DOCK11: variants seen among roughly 807,000 people sequenced by gnomAD.
DOCK11 encodes dedicator of cytokinesis 11.
Under a neutral mutation model 169.1 loss-of-function variants are expected in DOCK11, and 70 were observed. The observed-to-expected ratio is 0.41, with a 90% CI of 0.34 to 0.51. The LOEUF (loss-of-function observed/expected upper bound fraction) is 0.51. Among genes scored for constraint, DOCK11 ranks in the 20% least tolerant of loss-of-function variants. The pLI is 0.10. For missense variants in DOCK11, 1,166 were observed against 1,538.8 expected, an observed-to-expected ratio of 0.76 and a Z score of 4.05; for synonymous variants, 529 against 541.3, an observed-to-expected ratio of 0.98 and a Z score of 0.32.
chrX:118,520,071 A>C (rs930177012), intron 1 of DOCK11, among the ~76,000 whole-genome samples: 2 of 112,346 alleles, frequency 1.8e-5, no homozygotes, highest in African/African-American at 6.5e-5. Flanking sequence ...CTCTAAGAGA[A>C]CATGACTCAT....
chrX:118,653,055 T>C (rs2015983596), intron 42 of DOCK11, among the ~76,000 whole-genome samples: 1 of 112,093 alleles, frequency 8.9e-6, no homozygotes, highest in South Asian at 3.7e-4. Context: ...CTCCAGCTAA[T>C]CTTGTGAGCA....
intron 12 of DOCK11, among the ~76,000 whole-genome samples, chrX:118,577,697 A>G (rs769000548): frequency 1.5e-4 from 17 of 111,772 alleles, no homozygotes; most frequent in Non-Finnish European, 2.6e-4. Flanking sequence ...TCTACCTCCA[A>G]GGGTTCTATC....
intron 28 of DOCK11, among the ~76,000 whole-genome samples, chrX:118,610,849 G>A (rs1475763034): frequency 3.6e-5 from 4 of 111,136 alleles, no homozygotes; most frequent in Non-Finnish European, 7.5e-5. Context: ...GACCAACCTG[G>A]CCAACATGGT....
rs1443782223 is a variant in DOCK11 at position 118,675,970 on chromosome X, C to G, written c.5234C>G (p.Ala1745Gly). The part of the protein sequence containing the change: ...LTQVYRTLHG[A>G]YTKILEVMHT... Reference sequence around the variant, plus strand: ...CAAGTTTATAGAACTCTTCATGGAGCTTACACAAAAATTCTGGAAGTTATG... The same window carrying G: ...CAAGTTTATAGAACTCTTCATGGAGGTTACACAAAAATTCTGGAAGTTATG... Residue 1745 changes from alanine to glycine, a missense_variant, in exon 47 of 53, where the codon GCT becomes GGT. Transcript: ENST00000276202. 2 of 1,197,117 alleles carry G rather than the reference C, an allele frequency of 1.7e-6. No homozygotes were observed. The highest frequency in any genetic ancestry group is 4.6e-5 in the Admixed American group (2 of 43,079).
intron 45 of DOCK11, among the ~76,000 whole-genome samples, chrX:118,669,396 A>C (rs902624393): frequency 8.9e-6 from 1 of 112,083 alleles, no homozygotes; most frequent in Non-Finnish European, 1.9e-5. Context: ...TATAAACAAC[A>C]GAAATGTATT....
intron 6 of DOCK11, among the ~76,000 whole-genome samples, chrX:118,555,423 G>GAC (rs1364011477): frequency 1.8e-5 from 2 of 110,688 alleles, no homozygotes; most frequent in Middle Eastern, 4.6e-3. Flanking sequence ...CGGGTATGGT[G>GAC]ACACACACCT....
intron 1 of DOCK11, among the ~76,000 whole-genome samples, chrX:118,511,359 C>T (rs1603022402): frequency 9.0e-6 from 1 of 111,727 alleles, no homozygotes; most frequent in East Asian, 2.8e-4. Context: ...TAAACCATCT[C>T]AGGGTAAATA....
intron 1 of DOCK11, among the ~76,000 whole-genome samples, chrX:118,530,659 T>A (rs2011496595): frequency 8.9e-6 from 1 of 112,388 alleles, no homozygotes; most frequent in South Asian, 3.6e-4. Flanking sequence ...GCTCAAAAGC[T>A]ATTTCCTCTC....
chrX:118,597,588 T>C (rs774774223), intron 21 of DOCK11, 36 bp downstream of exon 21: 2 of 1,202,940 alleles, frequency 1.7e-6, no homozygotes, highest in East Asian at 5.9e-5. Context: ...GTAATCATGA[T>C]TAAATGTGCA....
intron 1 of DOCK11, among the ~76,000 whole-genome samples, chrX:118,532,621 A>C (rs1366030741): frequency 2.7e-5 from 3 of 109,545 alleles, no homozygotes; most frequent in African/African-American, 1.0e-4. Flanking sequence ...TCTACTAAAA[A>C]ATACAAAAAA....
At chrX:118,656,267 T>TAATAAATAAATA (rs749224053) in intron 44 of DOCK11, among the ~76,000 whole-genome samples, 9,465 of 107,983 alleles carry the variant, frequency 0.088, 424 homozygotes, top group Non-Finnish European at 0.13. Flanking sequence ...TCTCAAAAAA[T>TAATAAATAAATA]AATAAATAAA....
At position 118,682,049 on chromosome X, in the gene DOCK11, T is replaced by G. The variant is rs373217742; in HGVS notation, c.5963+255T>G. Among the ~76,000 whole-genome samples, 3 of 111,604 alleles carry G rather than the reference T, an allele frequency of 2.7e-5. No homozygotes were observed. The East Asian group carries it at 8.4e-4, about 31-fold the overall frequency. ...GTTTACTATATTGCTTTGAATATTT[T>G]AAGTGACACAAACACAAGCCTATGT... On this transcript the variant is annotated intron_variant, in intron 51 of 52. Coordinates refer to ENST00000276202, the MANE Select transcript of DOCK11 (RefSeq NM_144658.4).
Position 118,597,495 on chromosome X carries a change from A to G in DOCK11, c.2328A>G (p.Pro776=). The G allele has an allele frequency of 8.3e-7, 1 of 1,211,745 alleles. No homozygotes were observed. The highest frequency in any genetic ancestry group is 1.1e-6 in the Non-Finnish European group (1 of 895,339). Residue 776 remains proline (P), a synonymous_variant, in exon 21 of 53, where the codon CCA becomes CCG. Transcript: ENST00000276202. ...TCATCACATTTGAGCAGCAGCTGCC[A>G]GTTTCCGCCAATCTTCCCCCAGGCT... ...GRIITFEQQL[P]VSANLPPGYL...
At chrX:118,518,878 G>A in intron 1 of DOCK11, among the ~76,000 whole-genome samples, 1 of 111,637 alleles carries the variant, frequency 9.0e-6, no homozygotes, top group East Asian at 2.8e-4. Flanking sequence ...GGGGCAGGGA[G>A]CACATGGGAA....
chrX:118,526,627 C>T (rs141910699), intron 1 of DOCK11, among the ~76,000 whole-genome samples: 2,595 of 111,739 alleles, frequency 0.023, 50 homozygotes, highest in South Asian at 0.068. Flanking sequence ...CTGAGCTAGG[C>T]CCAGATTGCT....
chrX:118,497,763 T>G (rs906352330), intron 1 of DOCK11, among the ~76,000 whole-genome samples: 5 of 112,107 alleles, frequency 4.5e-5, no homozygotes, highest in African/African-American at 1.6e-4. Flanking sequence ...TTGAGCGGGG[T>G]TGGCTGGCCT....
Position 118,639,440 on chromosome X carries a change from A to G in DOCK11, c.4007A>G (p.His1336Arg). ...GACTTTAAAATTTATTTTAGGGTGC[A>G]TGATGCCTGGCTGTCAAAACACTTC... is the stretch of plus-strand genomic sequence containing the variant. ...YMGKRNIARV[H>R]DAWLSKHFGI... Residue 1336 changes from histidine to arginine, a missense_variant, in exon 38 of 53, where the codon CAT (histidine) becomes CGT (arginine). Transcript: ENST00000276202. 1 of 1,210,349 alleles carries G rather than the reference A, an allele frequency of 8.3e-7. No individual in the cohort carries two copies. Among genetic ancestry groups the G allele is most frequent in the Non-Finnish European group, 1.1e-6 (1 of 894,662 alleles).
intron 37 of DOCK11, 37 bp downstream of exon 37, chrX:118,638,164 T>G (rs960596889): frequency 8.6e-6 from 10 of 1,169,391 alleles, no homozygotes; most frequent in Non-Finnish European, 1.2e-5. Flanking sequence ...ACTTTTTCCT[T>G]CTCTTCCAAC....
intron 1 of DOCK11, among the ~76,000 whole-genome samples, chrX:118,512,264 G>T (rs2057655345): frequency 8.9e-6 from 1 of 112,090 alleles, no homozygotes; most frequent in Non-Finnish European, 1.9e-5. Flanking sequence ...AATGGTGGAA[G>T]GCAAGACCAG....
Sources: gnomAD v4.1 joint callset for allele counts (sites outside exome capture counted in the v4.1 genomes callset) on GRCh38, gnomAD v4.1.1 for gene constraint, MANE v1.5 for transcripts, NCBI Gene and HGNC (gene_info 2026-07-23, HGNC 2026-07-21) for gene names.